The following SRD5A2 variants were observed in gnomAD, a reference collection of about 807,000 sequenced individuals.
SRD5A2 encodes steroid 5 alpha-reductase 2, also known as 3-oxo-5-alpha-steroid 4-dehydrogenase 2.
Under a neutral mutation model 27.4 loss-of-function variants are expected in SRD5A2, and 30 were observed. The observed-to-expected ratio is 1.10, with a 90% CI of 0.82 to 1.49. The LOEUF is 1.49. Among genes scored for constraint, SRD5A2 ranks in the 40% most tolerant of loss-of-function variants. The pLI is 0.00. For synonymous variants in SRD5A2, 141 were observed against 133.6 expected, an observed-to-expected ratio of 1.06 and a Z score of -0.38; for missense variants, 348 against 323.4, an observed-to-expected ratio of 1.08 and a Z score of -0.58.
At chr2:31,613,702 G>C in the SRD5A2 span, among the ~76,000 whole-genome samples, 1 of 152,064 alleles carries the variant, frequency 6.6e-6, no homozygotes. Flanking sequence ...TCTGCTAATA[G>C]AGACATACCC....
intron 2 of SRD5A2, 25 bp downstream of exon 2, chr2:31,533,578 G>A: frequency 1.3e-6 from 2 of 1,548,998 alleles, no homozygotes; most frequent in Non-Finnish European, 1.7e-6. Flanking sequence ...TGGGAAGTAG[G>A]TGAGAAGTGG....
At chr2:31,655,643 T>A in the SRD5A2 span, among the ~76,000 whole-genome samples, 1 of 152,072 alleles carries the variant, frequency 6.6e-6, no homozygotes, top group Admixed American at 6.6e-5. Flanking sequence ...ATCAGCAAGA[T>A]AAATCGTCCC....
At chr2:31,632,401 T>A in the SRD5A2 span, among the ~76,000 whole-genome samples, 2 of 152,168 alleles carry the variant, frequency 1.3e-5, no homozygotes, top group African/African-American at 2.4e-5. Context: ...CCTCCCCCTG[T>A]CCATGCCCCT....
At chr2:31,611,523 A>G in the SRD5A2 span, among the ~76,000 whole-genome samples, 1 of 152,206 alleles carries the variant, frequency 6.6e-6, no homozygotes, top group Non-Finnish European at 1.5e-5. Context: ...GCCCTATAAA[A>G]ATAGGCAAAA....
chr2:31,548,361 A>G (rs1367591376), intron 1 of SRD5A2, among the ~76,000 whole-genome samples: 1 of 152,182 alleles, frequency 6.6e-6, no homozygotes, highest in African/African-American at 2.4e-5. Flanking sequence ...AGAGATTGAC[A>G]TCCAGAATAT....
the SRD5A2 span, among the ~76,000 whole-genome samples, chr2:31,661,089 G>A: frequency 0.011 from 1,607 of 152,188 alleles, 18 homozygotes; most frequent in Middle Eastern, 0.048. Context: ...GTGATTCAAG[G>A]GCCCACTGAG....
At chr2:31,541,936 T>C (rs375867632) in intron 1 of SRD5A2, among the ~76,000 whole-genome samples, 28 of 152,328 alleles carry the variant, frequency 1.8e-4, no homozygotes, top group African/African-American at 6.7e-4. Context: ...AGCTGGAACT[T>C]GAATTTTCAC....
chr2:31,600,647 A>AAT, the SRD5A2 span, among the ~76,000 whole-genome samples: 1 of 151,782 alleles, frequency 6.6e-6, no homozygotes, highest in Admixed American at 6.6e-5. Context: ...AAGAACAACT[A>AAT]ATACCAGTCC....
At chr2:31,630,311 CAG>C in the SRD5A2 span, among the ~76,000 whole-genome samples, 479 of 147,372 alleles carry the variant, frequency 3.3e-3, 2 homozygotes, top group African/African-American at 0.011. Flanking sequence ...GAGAGAGAGA[CAG>C]AGAGAGAGAG....
At chr2:31,657,323 T>A in the SRD5A2 span, among the ~76,000 whole-genome samples, 2 of 152,308 alleles carry the variant, frequency 1.3e-5, no homozygotes, top group East Asian at 1.9e-4. Flanking sequence ...AAATTAAAAG[T>A]TTATATTTGA....
At chr2:31,550,190 T>A (rs1043543256) in intron 1 of SRD5A2, among the ~76,000 whole-genome samples, 16 of 146,494 alleles carry the variant, frequency 1.1e-4, no homozygotes, top group Admixed American at 8.7e-4. Flanking sequence ...TACATTCATC[T>A]TTGTTTTTTG....
At chr2:31,622,707 C>A in the SRD5A2 span, among the ~76,000 whole-genome samples, 692 of 152,146 alleles carry the variant, frequency 4.5e-3, 5 homozygotes, top group Middle Eastern at 0.01. Flanking sequence ...ATCAGACCAG[C>A]AGTAAACCAC....
At chr2:31,586,530 G>T in the SRD5A2 span, among the ~76,000 whole-genome samples, 1 of 151,758 alleles carries the variant, frequency 6.6e-6, no homozygotes, top group African/African-American at 2.4e-5. Flanking sequence ...TCCACTCCTA[G>T]CTTCAGGTGT....
chr2:31,583,385 A>G (rs372169389), upstream of SRD5A2, among the ~76,000 whole-genome samples: 1 of 152,202 alleles, frequency 6.6e-6, no homozygotes, highest in African/African-American at 2.4e-5. Flanking sequence ...GTGAGAGACT[A>G]TTTGTAAAGT....
chr2:31,657,288 T>C, the SRD5A2 span, among the ~76,000 whole-genome samples: 1 of 152,222 alleles, frequency 6.6e-6, no homozygotes, highest in Non-Finnish European at 1.5e-5. Context: ...TTCTAGACTA[T>C]CTTCAGAATT....
At chr2:31,610,939 C>G in the SRD5A2 span, among the ~76,000 whole-genome samples, 11 of 152,176 alleles carry the variant, frequency 7.2e-5, no homozygotes, top group Admixed American at 7.2e-4. Flanking sequence ...GAAACCCCAT[C>G]TCTACTAAAT....
At chr2:31,619,824 A>T in the SRD5A2 span, among the ~76,000 whole-genome samples, 1 of 152,062 alleles carries the variant, frequency 6.6e-6, no homozygotes, top group Non-Finnish European at 1.5e-5. Flanking sequence ...AGTTCCTTAT[A>T]CATGCTGGAT....
chr2:31,610,142 G>C, the SRD5A2 span, among the ~76,000 whole-genome samples: 1 of 152,194 alleles, frequency 6.6e-6, no homozygotes, highest in South Asian at 2.1e-4. Flanking sequence ...AAAAATTGAA[G>C]AGGAGGGAAT....
At chr2:31,531,346 A>G (rs1398577164) in intron 3 of SRD5A2, 25 bp downstream of exon 3, 3 of 1,507,642 alleles carry the variant, frequency 2.0e-6, no homozygotes, top group African/African-American at 1.4e-5. Context: ...GAAGAGTGAG[A>G]GTCTGGGGGC....
Sources: allele counts gnomAD v4.1 joint callset (sites outside exome capture counted in the v4.1 genomes callset), GRCh38; gene constraint gnomAD v4.1.1; transcripts MANE v1.5; gene names NCBI Gene and HGNC (gene_info 2026-07-23, HGNC 2026-07-21).